LARGE1: variants seen among roughly 807,000 people sequenced by gnomAD.
LARGE1 encodes xylosyl- and glucuronyltransferase LARGE1.
LARGE1 carries 43 observed loss-of-function variants against 87.6 expected under a neutral mutation model. The observed-to-expected ratio is 0.49, with a 90% CI of 0.38 to 0.63. The LOEUF (loss-of-function observed/expected upper bound fraction) is 0.63, where lower values mean the gene tolerates loss of function less well. Among genes scored for constraint, LARGE1 ranks in the 30% least tolerant of loss-of-function variants. The probability of loss-of-function intolerance (pLI) is 0.00; values close to 1 mark genes in which losing one functional copy is unlikely to be tolerated. For missense variants in LARGE1, 802 were observed against 1,000.2 expected (o/e 0.80, Z 2.67); for synonymous variants, 434 against 394.6 (o/e 1.10, Z -1.18).
intron 2 of LARGE1, among the ~76,000 whole-genome samples, chr22:33,760,763 T>C (rs1461953546): frequency 6.6e-6 from 1 of 151,656 alleles, no homozygotes; most frequent in Non-Finnish European, 1.5e-5. Flanking sequence ...CTACGAAAAA[T>C]AGAAGAATTA....
intron 2 of LARGE1, among the ~76,000 whole-genome samples, chr22:33,727,119 C>A (rs768281113): frequency 2.6e-5 from 4 of 152,114 alleles, no homozygotes; most frequent in Non-Finnish European, 5.9e-5. Flanking sequence ...CCAGGAGGAG[C>A]TGGAAGACAG....
chr22:33,258,843 A>G (rs1272870339), intron 11 of LARGE1, among the ~76,000 whole-genome samples: 1 of 150,476 alleles, frequency 6.6e-6, no homozygotes, highest in Non-Finnish European at 1.5e-5. Context: ...AACCTGCAGC[A>G]CCATGTAGGC....
At chr22:33,212,885 G>A (rs534422508) in intron 11 of LARGE1, among the ~76,000 whole-genome samples, 4 of 152,240 alleles carry the variant, frequency 2.6e-5, no homozygotes, top group African/African-American at 7.2e-5. Flanking sequence ...GGGCGTGGTG[G>A]TGGGCACCTG....
chr22:33,838,385 T>TAC (rs1568974655), intron 1 of LARGE1, among the ~76,000 whole-genome samples: 1 of 152,202 alleles, frequency 6.6e-6, no homozygotes, highest in African/African-American at 2.4e-5. Flanking sequence ...ATGCCTGTAT[T>TAC]CCCAGCACTT....
At chr22:33,301,387 GA>G (rs778625440) in intron 12 of LARGE1, among the ~76,000 whole-genome samples, 1 of 152,128 alleles carries the variant, frequency 6.6e-6, no homozygotes, top group Non-Finnish European at 1.5e-5. Flanking sequence ...AAGGCAGCCT[GA>G]AGGCATATTT....
intron 11 of LARGE1, among the ~76,000 whole-genome samples, chr22:33,234,756 G>A (rs1568984339): frequency 6.6e-6 from 1 of 152,078 alleles, no homozygotes; most frequent in African/African-American, 2.4e-5. Context: ...GGCCAGGCTG[G>A]TCTTGAACTC....
chr22:33,909,830 G>A (rs1432818097), intron 1 of LARGE1, among the ~76,000 whole-genome samples: 1 of 152,024 alleles, frequency 6.6e-6, no homozygotes, highest in Non-Finnish European at 1.5e-5. Context: ...GAGCCACCAC[G>A]CCCGGCCTAA....
intron 11 of LARGE1, among the ~76,000 whole-genome samples, chr22:33,312,197 A>C (rs1246549722): frequency 3.3e-5 from 5 of 152,188 alleles, no homozygotes; most frequent in African/African-American, 1.2e-4. Flanking sequence ...TAAGTGATGC[A>C]CTTTGGGAGG....
intron 4 of LARGE1, among the ~76,000 whole-genome samples, chr22:33,615,019 C>A (rs1371797704): frequency 6.6e-6 from 1 of 152,190 alleles, no homozygotes; most frequent in African/African-American, 2.4e-5. Context: ...AGTTAGACAC[C>A]ACAGTTCTGA....
chr22:33,389,924 C>T (rs1446266528), intron 7 of LARGE1, among the ~76,000 whole-genome samples: 1 of 152,160 alleles, frequency 6.6e-6, no homozygotes, highest in Non-Finnish European at 1.5e-5. Flanking sequence ...ATGTTGCTGT[C>T]ATTTATCCTG....
intron 6 of LARGE1, among the ~76,000 whole-genome samples, chr22:33,478,446 C>T (rs151092216): frequency 2.2e-3 from 336 of 152,284 alleles, no homozygotes; most frequent in African/African-American, 7.4e-3. Flanking sequence ...GAAACAACAC[C>T]GCATTGCAAA....
intron 7 of LARGE1, among the ~76,000 whole-genome samples, chr22:33,426,299 C>T (rs2066876047): frequency 6.6e-6 from 1 of 152,154 alleles, no homozygotes; most frequent in African/African-American, 2.4e-5. Context: ...TTCTACCCTA[C>T]CCTTGCCAGT....
At chr22:33,207,271 A>G (rs993188880) in intron 11 of LARGE1, among the ~76,000 whole-genome samples, 2 of 152,202 alleles carry the variant, frequency 1.3e-5, no homozygotes, top group African/African-American at 4.8e-5. Context: ...AATGCTTTGG[A>G]GTTCTCCAAG....
intron 10 of LARGE1, among the ~76,000 whole-genome samples, chr22:33,325,022 T>C (rs1351136659): frequency 6.6e-6 from 1 of 152,222 alleles, no homozygotes; most frequent in Non-Finnish European, 1.5e-5. Flanking sequence ...ATCCATCATC[T>C]GAAAGGTTTA....
intron 6 of LARGE1, among the ~76,000 whole-genome samples, chr22:33,439,305 C>T (rs2067384378): frequency 6.6e-6 from 1 of 152,026 alleles, no homozygotes; most frequent in African/African-American, 2.4e-5. Context: ...TTTGGGATGA[C>T]CAGTGTTCAT....
At chr22:33,890,651 T>C (rs181502483) in intron 1 of LARGE1, among the ~76,000 whole-genome samples, 9 of 152,318 alleles carry the variant, frequency 5.9e-5, no homozygotes, top group Admixed American at 3.3e-4. Context: ...AGGTTTAAAC[T>C]ACAACAAGCT....
chr22:33,509,315 T>C (rs2070931639), intron 6 of LARGE1, among the ~76,000 whole-genome samples: 1 of 151,826 alleles, frequency 6.6e-6, no homozygotes, highest in Non-Finnish European at 1.5e-5. Flanking sequence ...TCCAAGACCC[T>C]CTCCCCATCT....
intron 4 of LARGE1, among the ~76,000 whole-genome samples, chr22:33,617,303 C>T (rs1268798407): frequency 6.6e-6 from 1 of 152,160 alleles, no homozygotes; most frequent in African/African-American, 2.4e-5. Flanking sequence ...TGGTTCCTAA[C>T]TCAGGAAGGT....
rs1239787271 is a variant in LARGE1 at position 33,777,670 on chromosome 22, G to GGAAGGA, written c.-82-16118_-82-16113dup. ...GGGGAGGGGGAGGGGGAGGGGAAGG[G>GGAAGGA]GAAGGAGAAGGAGAAGGGGAAGGGA... On this transcript the variant is annotated intron_variant, in intron 1 of 14. Coordinates refer to ENST00000397394, the MANE Select transcript of LARGE1 (RefSeq NM_133642.5). 4.3e-3 allele frequency among the ~76,000 whole-genome samples: 429 copies of GGAAGGA among 99,430 alleles called. 6 individuals carry two copies. The highest frequency in any genetic ancestry group is 0.022 in the African/African-American group (398 of 17,970). The allele number at this position is 99,430 out of a possible 152,430, so 65.2% of individuals were successfully genotyped here. A position where few individuals can be genotyped will look rare whatever the true frequency, so the allele number is the denominator to read the frequency against.
Sources: gnomAD v4.1 joint callset for allele counts (sites outside exome capture counted in the v4.1 genomes callset) on GRCh38, gnomAD v4.1.1 for gene constraint, MANE v1.5 for transcripts, NCBI Gene and HGNC (gene_info 2026-07-23, HGNC 2026-07-21) for gene names.